FSTL5: variants seen among roughly 807,000 people sequenced by gnomAD.
FSTL5 encodes the protein follistatin like 5.
In FSTL5, 62 loss-of-function variants were observed where a neutral mutation model predicts 89.1. That is an observed-to-expected ratio of 0.70 (90% CI 0.57 to 0.86). The LOEUF (loss-of-function observed/expected upper bound fraction) is 0.86, where lower values mean the gene tolerates loss of function less well. FSTL5 is among the 40% of genes least tolerant of loss of function. The probability of loss-of-function intolerance (pLI) is 0.00; values close to 1 mark genes in which losing one functional copy is unlikely to be tolerated. For synonymous variants in FSTL5, 383 were observed against 346.2 expected, an observed-to-expected ratio of 1.11 and a Z score of -1.18; for missense variants, 1,057 against 1,001.6, an observed-to-expected ratio of 1.06 and a Z score of -0.75.
chr4:161,703,677 C>T (rs1416683756), intron 6 of FSTL5, among the ~76,000 whole-genome samples: 1 of 152,038 alleles, frequency 6.6e-6, no homozygotes, highest in Non-Finnish European at 1.5e-5. Flanking sequence ...ATCTCAGACC[C>T]AATGTTGCTG....
intron 3 of FSTL5, among the ~76,000 whole-genome samples, chr4:161,972,658 G>A (rs556396318): frequency 6.6e-6 from 1 of 152,272 alleles, no homozygotes; most frequent in South Asian, 2.1e-4. Flanking sequence ...GCCGGTTGCA[G>A]TTTCAGATAA....
intron 15 of FSTL5, among the ~76,000 whole-genome samples, chr4:161,435,248 A>C (rs771147462): frequency 6.6e-6 from 1 of 152,196 alleles, no homozygotes; most frequent in African/African-American, 2.4e-5. Context: ...TTATAAAAAA[A>C]ATGAGATATT....
chr4:161,864,672 C>T (rs1579152211), intron 4 of FSTL5, among the ~76,000 whole-genome samples: 1 of 151,830 alleles, frequency 6.6e-6, no homozygotes, highest in South Asian at 2.1e-4. Flanking sequence ...GAGATTGAGA[C>T]CATCCTGGCT....
chr4:161,948,351 A>T lies in FSTL5; in HGVS notation c.161-27699T>A, dbSNP rs144895303. Reference sequence around the variant, plus strand: ...GAATCCTGGCTCTGTACAGCTTTTTAAATTATTGTTATTTTAATAATACTT... The same window carrying T: ...GAATCCTGGCTCTGTACAGCTTTTTTAATTATTGTTATTTTAATAATACTT... On this transcript the variant is annotated intron_variant, in intron 3 of 15. Transcript: ENST00000306100. Among the ~76,000 whole-genome samples the T allele has an allele frequency of 1.8e-3, 267 of 151,470 alleles. 1 individual carries two copies. Among genetic ancestry groups the T allele is most frequent in the African/African-American group, 6.1e-3 (252 of 41,340 alleles).
At chr4:161,950,199 C>T (rs1037173922) in intron 3 of FSTL5, among the ~76,000 whole-genome samples, 13 of 152,094 alleles carry the variant, frequency 8.5e-5, no homozygotes, top group African/African-American at 2.2e-4. Flanking sequence ...GATCTTAGTA[C>T]TAAGGTTACT....
intron 15 of FSTL5, among the ~76,000 whole-genome samples, chr4:161,389,454 A>G (rs1553981009): frequency 6.6e-6 from 1 of 152,104 alleles, no homozygotes; most frequent in Non-Finnish European, 1.5e-5. Flanking sequence ...CTGAATGTCT[A>G]ATCAAAGTAG....
intron 2 of FSTL5, among the ~76,000 whole-genome samples, chr4:162,102,842 G>A (rs1731059928): frequency 1.3e-5 from 2 of 149,736 alleles, no homozygotes; most frequent in Admixed American, 6.7e-5. Context: ...ATAGACATTT[G>A]ACTTTATTTG....
Position 161,481,002 on chromosome 4 carries a change from A to G in FSTL5, c.1608+18T>C. 1 of 1,551,988 alleles carries G rather than the reference A, an allele frequency of 6.4e-7. No homozygotes were observed. Among genetic ancestry groups the G allele is most frequent in the South Asian group, 1.2e-5 (1 of 84,788 alleles). Reference sequence around the variant, plus strand: ...TTTTTTAAAGATTTACTTTTTAAAAAGTAGTAATTATTCATACCTGAACAA... The same window carrying G: ...TTTTTTAAAGATTTACTTTTTAAAAGGTAGTAATTATTCATACCTGAACAA... On this transcript the variant is annotated intron_variant, in intron 13 of 15. Transcript: ENST00000306100.
chr4:161,412,274 T>C (rs1262212818), intron 15 of FSTL5, among the ~76,000 whole-genome samples: 1 of 152,158 alleles, frequency 6.6e-6, no homozygotes, highest in African/African-American at 2.4e-5. Context: ...CAAAGCATTT[T>C]ACAAATGCAA....
At chr4:161,437,113 A>G (rs1732583651) in intron 15 of FSTL5, among the ~76,000 whole-genome samples, 1 of 152,170 alleles carries the variant, frequency 6.6e-6, no homozygotes, top group South Asian at 2.1e-4. Context: ...AGGCATTGGA[A>G]TAGGTTCAAC....
intron 3 of FSTL5, among the ~76,000 whole-genome samples, chr4:161,995,896 T>G (rs1382871753): frequency 6.6e-6 from 1 of 151,902 alleles, no homozygotes; most frequent in East Asian, 1.9e-4. Flanking sequence ...CATCAGAAAC[T>G]TAAATCTTGT....
chr4:161,431,330 T>TTTACTAGTTTTCTCTATGATTG (rs1298464290), intron 15 of FSTL5, among the ~76,000 whole-genome samples: 5 of 151,842 alleles, frequency 3.3e-5, no homozygotes, highest in Non-Finnish European at 7.4e-5. Flanking sequence ...ATGTAAGGCT[T>TTTACTAGTTTTCTCTATGATTG]TTACTAGTTT....
intron 1 of FSTL5, among the ~76,000 whole-genome samples, chr4:162,114,401 T>G (rs914679248): frequency 6.6e-6 from 1 of 152,068 alleles, no homozygotes; most frequent in Non-Finnish European, 1.5e-5. Flanking sequence ...GAAAACAACT[T>G]CCTTCCACCC....
intron 15 of FSTL5, among the ~76,000 whole-genome samples, chr4:161,411,668 G>C (rs1731597134): frequency 6.6e-6 from 1 of 152,088 alleles, no homozygotes; most frequent in African/African-American, 2.4e-5. Context: ...AGCAGACTAG[G>C]CATCAAAGGA....
chr4:161,830,853 G>C (rs1730821696), intron 4 of FSTL5, among the ~76,000 whole-genome samples: 1 of 151,752 alleles, frequency 6.6e-6, no homozygotes. Context: ...AAAAAAATTG[G>C]GGTTGGAAGG....
intron 6 of FSTL5, among the ~76,000 whole-genome samples, chr4:161,723,936 ATT>A (rs1489026672): frequency 2.0e-5 from 3 of 152,202 alleles, no homozygotes; most frequent in Non-Finnish European, 2.9e-5. Context: ...TCAAATTTAA[ATT>A]AATATTAAAA....
chr4:162,036,850 C>T (rs940813766), intron 2 of FSTL5, among the ~76,000 whole-genome samples: 1 of 151,548 alleles, frequency 6.6e-6, no homozygotes, highest in Non-Finnish European at 1.5e-5. Context: ...TTTTGGTGCT[C>T]ATATGGGATT....
chr4:161,439,069 A>G lies in FSTL5; in HGVS notation c.1841+15935T>C, dbSNP rs1453084087. Among the ~76,000 whole-genome samples the G allele has an allele frequency of 9.8e-5, 15 of 152,314 alleles. No homozygotes were observed. In the East Asian group the frequency reaches 2.9e-3, roughly 29 times the overall value. ...CCTGGAAATAATATAAGCATTTAAA[A>G]TATCAGAACATAGTAACTACTGAAT... On this transcript the variant is annotated intron_variant, in intron 15 of 15. Transcript: ENST00000306100.
chr4:162,047,356 C>T (rs1185427610), intron 2 of FSTL5: 3 of 151,860 alleles, frequency 2.0e-5, no homozygotes, highest in African/African-American at 4.8e-5. Context: ...AGTTCTTTAC[C>T]TATTATCTCT....
Sources: allele counts gnomAD v4.1 joint callset (sites outside exome capture counted in the v4.1 genomes callset), GRCh38; gene constraint gnomAD v4.1.1; transcripts MANE v1.5; gene names NCBI Gene and HGNC (gene_info 2026-07-23, HGNC 2026-07-21).